PCDHGB3: variants seen among roughly 807,000 people sequenced by gnomAD.
The protein encoded by PCDHGB3 is protocadherin gamma subfamily B, 3.
A neutral mutation model predicts 59.2 loss-of-function variants in PCDHGB3; 40 were observed. The observed-to-expected ratio is 0.68, with a 90% CI of 0.52 to 0.88. PCDHGB3 has a LOEUF of 0.88. PCDHGB3 is among the 40% of genes least tolerant of loss of function. PCDHGB3 has a pLI of 0.00. For missense variants in PCDHGB3, 1,309 were observed against 1,187.9 expected (o/e 1.10, Z -1.50); for synonymous variants, 581 against 503.6 (o/e 1.15, Z -2.06).
At chr5:141,410,258 G>C in intron 1 of PCDHGB3, 1 of 1,614,022 alleles carries the variant, frequency 6.2e-7, no homozygotes, top group Non-Finnish European at 8.5e-7. Context: ...TGACCCCCAG[G>C]CTGAACTGCA....
Position 141,371,011 on chromosome 5 carries a change from C to G in PCDHGB3, c.617C>G (p.Pro206Arg). ...GCACCCCTGGACAGGGAAGAGCAGC[C>G]ACATCACCACCTGGTCCTCACAGCT... is the stretch of plus-strand genomic sequence containing the variant. Reference protein sequence around the residue: ...LKAPLDREEQPHHHLVLTAVD... With the variant: ...LKAPLDREEQRHHHLVLTAVD... Residue 206 changes from proline to arginine, a missense_variant, in exon 1 of 4, where the codon CCA (proline) becomes CGA (arginine). Transcript: ENST00000576222. 2.5e-6 allele frequency: 4 copies of G among 1,613,966 alleles called. No individual in the cohort carries two copies. Among genetic ancestry groups the G allele is most frequent in the Non-Finnish European group, 3.4e-6 (4 of 1,179,902 alleles).
chr5:141,374,116 C>G (rs1328761924), intron 1 of PCDHGB3: 9 of 1,580,694 alleles, frequency 5.7e-6, no homozygotes, highest in Non-Finnish European at 8.6e-7. Context: ...CGCAGCGCAG[C>G]GAGCAGGTCC....
rs779392461 is a variant in PCDHGB3, at chr5:141,428,623, TC to T, written c.2415+55815del. 3.1e-5 allele frequency: 6 copies of T among 193,516 alleles called. No individual in the cohort carries two copies. In the East Asian group the frequency reaches 5.4e-4, roughly 17 times the overall value. 12.0% of individuals were successfully genotyped at this position (193,516 alleles called of 1,614,324 possible). ...CACTGAAGAGAATAACAAGATAAGC[TC>T]TAACTCTGTTGCTCCTACTCACGTG... On this transcript the variant is annotated intron_variant, in intron 1 of 3. Coordinates refer to ENST00000576222, the MANE Select transcript of PCDHGB3 (RefSeq NM_018924.5).
At chr5:141,478,639 A>G (rs377308663) in intron 1 of PCDHGB3, 168 of 1,552,322 alleles carry the variant, frequency 1.1e-4, no homozygotes, top group Non-Finnish European at 1.0e-4. Context: ...TTAGTGATGA[A>G]GATGTTTTCC....
intron 1 of PCDHGB3, among the ~76,000 whole-genome samples, chr5:141,446,739 T>A (rs1292920572): frequency 2.6e-5 from 4 of 152,180 alleles, no homozygotes; most frequent in African/African-American, 7.2e-5. Flanking sequence ...AGTGTGGGGA[T>A]TACAGGCGTG....
At position 141,379,889 on chromosome 5, in the gene PCDHGB3, C is replaced by CTTTTTTTTTTTTT. The variant is rs70988800; in HGVS notation, c.2415+7098_2415+7110dup. Among the ~76,000 whole-genome samples, 110 of 50,830 alleles carry CTTTTTTTTTTTTT rather than the reference C, an allele frequency of 2.2e-3. 13 individuals carry two copies. Among genetic ancestry groups the CTTTTTTTTTTTTT allele is most frequent in the African/African-American group, 3.3e-3 (50 of 15,082 alleles). 33.3% of individuals were successfully genotyped at this position (50,830 alleles called of 152,430 possible). ...CTTATTTTATGGTCTGTGAAAGCCTCTTTTTTTTTTTTTTTTTTTTTTTTT... is the reference window on the plus strand; with the variant it reads ...CTTATTTTATGGTCTGTGAAAGCCTCTTTTTTTTTTTTTTTTTTTTTTTTTTTTTTTTTTTTTT... On this transcript the variant is annotated intron_variant, in intron 1 of 3. Transcript: ENST00000576222.
chr5:141,421,410 G>A lies in PCDHGB3; in HGVS notation c.2415+48601G>A, dbSNP rs538537555. On this transcript the variant is annotated intron_variant, in intron 1 of 3. Transcript: ENST00000576222. ...TGGGGCTGGAGCCCCGGGAGCTGGCGAAGCGCGGAGTCCGCATCGTCTCCA... is the reference window on the plus strand; with the variant it reads ...TGGGGCTGGAGCCCCGGGAGCTGGCAAAGCGCGGAGTCCGCATCGTCTCCA... The A allele has an allele frequency of 3.7e-6, 6 of 1,614,084 alleles. No homozygotes were observed. In the African/African-American group the frequency reaches 6.7e-5, roughly 18 times the overall value.
intron 1 of PCDHGB3, among the ~76,000 whole-genome samples, chr5:141,387,411 G>A (rs2090933954): frequency 1.3e-5 from 2 of 152,196 alleles, no homozygotes; most frequent in Admixed American, 6.5e-5. Flanking sequence ...ATTGGGGAAA[G>A]CTTATGTCAA....
intron 1 of PCDHGB3, chr5:141,427,212 C>T (rs2097000434): frequency 4.4e-6 from 2 of 456,702 alleles, no homozygotes; most frequent in Non-Finnish European, 8.8e-6. Flanking sequence ...CTTCGAATTT[C>T]GTAGCAGTTA....
intron 1 of PCDHGB3, chr5:141,415,634 C>T: frequency 6.3e-7 from 1 of 1,589,948 alleles, no homozygotes; most frequent in East Asian, 2.3e-5. Flanking sequence ...TTCATTTTTA[C>T]TTTTGTTAAA....
intron 1 of PCDHGB3, chr5:141,433,086 C>A (rs747501244): frequency 1.9e-6 from 3 of 1,614,208 alleles, no homozygotes; most frequent in African/African-American, 2.7e-5. Context: ...CCCAACTATG[C>A]AGACATGCTC....
intron 2 of PCDHGB3, among the ~76,000 whole-genome samples, chr5:141,495,094 C>T (rs1470702358): frequency 6.6e-6 from 1 of 152,156 alleles, no homozygotes; most frequent in African/African-American, 2.4e-5. Flanking sequence ...CTTCCCTCCT[C>T]GCCACGACCG....
rs1454546023 is a variant in PCDHGB3, at chr5:141,371,218, C to T, written c.824C>T (p.Ala275Val). ...ATTGACATGGATGAGGGCATCAATG[C>T]CGAAATCATCTATGCCTTCATCAAT... is the stretch of plus-strand genomic sequence containing the variant. ...MAIDMDEGINAEIIYAFINIG... is the reference protein window; with the variant it reads ...MAIDMDEGINVEIIYAFINIG... The change falls in exon 1 of 4, where the codon GCC (alanine) becomes GTC (valine). Residue 275 changes from alanine to valine, a missense_variant. Coordinates refer to ENST00000576222, the MANE Select transcript of PCDHGB3 (RefSeq NM_018924.5). 6.2e-7 allele frequency: 1 copy of T among 1,613,992 alleles called. No homozygotes were observed. The highest frequency in any genetic ancestry group is 1.1e-5 in the South Asian group (1 of 91,088).
At position 141,371,842 on chromosome 5, in the gene PCDHGB3, C is replaced by T. The variant is rs1768100584; in HGVS notation, c.1448C>T (p.Pro483Leu). The T allele has an allele frequency of 1.9e-6, 3 of 1,613,586 alleles. No homozygotes were observed. The highest frequency in any genetic ancestry group is 1.3e-5 in the African/African-American group (1 of 74,948). The change falls in exon 1 of 4, where the codon CCT becomes CTT. Residue 483 changes from proline (P) to leucine (L), a missense_variant. Physicochemically the swap from Pro to Leu is moderately conservative, Grantham distance 98. Coordinates refer to ENST00000576222, the MANE Select transcript of PCDHGB3 (RefSeq NM_018924.5). ...AGAGCCTCGGATCCCGACTTGGGAC[C>T]TAATGGCCTTGTCTCCTACTACATC... ...HVRASDPDLG[P>L]NGLVSYYIVA...
chr5:141,414,657 C>T (rs1313928067), intron 1 of PCDHGB3: 1 of 1,614,004 alleles, frequency 6.2e-7, no homozygotes, highest in Admixed American at 1.7e-5. Context: ...TTATTTACTC[C>T]CTGGCTGAAG....
chr5:141,424,055 C>A, intron 1 of PCDHGB3: 2 of 1,007,784 alleles, frequency 2.0e-6, no homozygotes, highest in Non-Finnish European at 1.2e-6. Context: ...TTTTGCTGTG[C>A]CTTCACTGAT....
At chr5:141,450,829 A>ATTTTT (rs373424450) in intron 1 of PCDHGB3, among the ~76,000 whole-genome samples, 3 of 135,122 alleles carry the variant, frequency 2.2e-5, no homozygotes, top group Admixed American at 7.6e-5. Flanking sequence ...TATTATTATT[A>ATTTTT]TTTTTTTTTT....
Position 141,438,619 on chromosome 5 carries a change from T to C in PCDHGB3, c.2416-56188T>C, listed in dbSNP as rs1053855444. Reference sequence around the variant, plus strand: ...ATATATATATATATATATATATATATATATATATATATATATACACACACA... The same window carrying C: ...ATATATATATATATATATATATATACATATATATATATATATACACACACA... On this transcript the variant is annotated intron_variant, in intron 1 of 3. Transcript: ENST00000576222. 1.0e-4 allele frequency among the ~76,000 whole-genome samples: 4 copies of C among 39,678 alleles called. No homozygotes were observed. The East Asian group carries it at 2.5e-3, about 25-fold the overall frequency. The allele number at this position is 39,678 out of a possible 152,430, so 26.0% of individuals were successfully genotyped here.
At chr5:141,446,873 A>T (rs1324695415) in intron 1 of PCDHGB3, among the ~76,000 whole-genome samples, 1 of 152,132 alleles carries the variant, frequency 6.6e-6, no homozygotes, top group African/African-American at 2.4e-5. Flanking sequence ...CTACACTGGT[A>T]TGTTTTGGGG....
Sources: gnomAD v4.1 joint callset for allele counts (sites outside exome capture counted in the v4.1 genomes callset) on GRCh38, gnomAD v4.1.1 for gene constraint, MANE v1.5 for transcripts, NCBI Gene and HGNC (gene_info 2026-07-23, HGNC 2026-07-21) for gene names.